ZNF423: variants seen among roughly 807,000 people sequenced by gnomAD.
ZNF423 encodes Ebf-associated zinc finger protein.
ZNF423 carries 12 observed loss-of-function variants against 95.8 expected under a neutral mutation model. The observed-to-expected ratio is 0.13, with a 90% confidence interval of 0.08 to 0.20. The LOEUF is 0.20. Ranked by LOEUF, ZNF423 falls within the 10% of genes least tolerant of loss-of-function variation. The probability of loss-of-function intolerance (pLI) is 1.00; values close to 1 mark genes in which losing one functional copy is unlikely to be tolerated. For missense variants in ZNF423, 1,316 were observed against 1,737.1 expected (o/e 0.76, Z 4.31); for synonymous variants, 749 against 711.9 (o/e 1.05, Z -0.83).
intron 1 of ZNF423, among the ~76,000 whole-genome samples, chr16:49,816,277 G>A (rs896366818): frequency 2.6e-5 from 4 of 152,166 alleles, no homozygotes; most frequent in African/African-American, 7.2e-5. Context: ...CACTGGATGC[G>A]CTCCTCGGGT....
intron 5 of ZNF423, among the ~76,000 whole-genome samples, chr16:49,580,828 T>C (rs1970648297): frequency 6.6e-6 from 1 of 152,076 alleles, no homozygotes. Context: ...GAGAACGCAT[T>C]CAGAGAGCCT....
In ZNF423 at chr16:49,549,307, A is replaced by C. The variant is rs576970423; in HGVS notation, c.3602-23813T>G. Among the ~76,000 whole-genome samples, 13 of 152,156 alleles carry C rather than the reference A, an allele frequency of 8.5e-5. No individual in the cohort carries two copies. The South Asian group carries it at 2.7e-3, about 32-fold the overall frequency. The stretch of plus-strand genomic sequence containing the variant: ...CTGCAGGCTGGGGGTCTGGGCTGCA[A>C]CTCAGGCCATGCCCCACCCTGCCTG... On this transcript the variant is annotated intron_variant, in intron 5 of 7. Coordinates refer to ENST00000563137, the MANE Select transcript of ZNF423 (RefSeq NM_001379286.1).
At chr16:49,681,944 A>C (rs35747295) in intron 3 of ZNF423, among the ~76,000 whole-genome samples, 12,049 of 151,838 alleles carry the variant, frequency 0.079, 716 homozygotes, top group South Asian at 0.29. Flanking sequence ...TGATTTTCAA[A>C]TATCAGAATT....
rs1399032388 is a variant in ZNF423 at position 49,492,416 on chromosome 16, G to GC, written c.3850-1113dup. Among the ~76,000 whole-genome samples, 1 of 152,176 alleles carries GC rather than the reference G, an allele frequency of 6.6e-6. No individual in the cohort carries two copies. The highest frequency in any genetic ancestry group is 1.5e-5 in the Non-Finnish European group (1 of 68,006). On this transcript the variant is annotated intron_variant, in intron 7 of 7. Transcript: ENST00000563137. This position sits in a 1 kb window ranked among gnomAD's most constrained non-coding sequence, Gnocchi z 4.2. ...AGCAGAGGCACCGCGTCTCTCCTGG[G>GC]CTCGGGTCCGCGGCGAGGGCGACCA...
chr16:49,785,060 T>C (rs1235454334), intron 2 of ZNF423, among the ~76,000 whole-genome samples: 1 of 152,032 alleles, frequency 6.6e-6, no homozygotes, highest in African/African-American at 2.4e-5. Context: ...ATTTTTTTCT[T>C]TTTCTTTTAT....
At chr16:49,763,231 G>T (rs1326747841) in intron 2 of ZNF423, among the ~76,000 whole-genome samples, 1 of 152,032 alleles carries the variant, frequency 6.6e-6, no homozygotes, top group East Asian at 1.9e-4. Context: ...AGGTATTTTT[G>T]TTGTTGTTGT....
At chr16:49,544,231 C>A (rs1345829588) in intron 5 of ZNF423, among the ~76,000 whole-genome samples, 2 of 152,176 alleles carry the variant, frequency 1.3e-5, no homozygotes, top group Non-Finnish European at 2.9e-5. Flanking sequence ...CCAGTGCTTG[C>A]CTTTGAGGGA....
In ZNF423 at chr16:49,839,054, AT is replaced by A. The variant is rs761034010; in HGVS notation, c.40+16680del. Reference sequence around the variant, plus strand: ...TGATTTTCCCCGCCTCTTCCCAGCCATCCCCCCTCTTCCCCGCCTCCTCCCC... The same window carrying A: ...TGATTTTCCCCGCCTCTTCCCAGCCACCCCCCTCTTCCCCGCCTCCTCCCC... On this transcript the variant is annotated intron_variant, in intron 1 of 7. Coordinates refer to ENST00000563137, the MANE Select transcript of ZNF423 (RefSeq NM_001379286.1). 5.4e-3 allele frequency among the ~76,000 whole-genome samples: 281 copies of A among 51,820 alleles called. 1 individual carries two copies. Among genetic ancestry groups the A allele is most frequent in the Admixed American group, 0.012 (51 of 4,202 alleles). The allele number at this position is 51,820 out of a possible 152,430, so 34.0% of individuals were successfully genotyped here. A position where few individuals can be genotyped will look rare whatever the true frequency, so the allele number is the denominator to read the frequency against.
intron 1 of ZNF423, among the ~76,000 whole-genome samples, chr16:49,840,123 C>T (rs1379193329): frequency 6.6e-6 from 1 of 152,132 alleles, no homozygotes; most frequent in African/African-American, 2.4e-5. Context: ...CTCCTAAAAG[C>T]CTTGAAACCT....
At position 49,491,060 on chromosome 16, in the gene ZNF423, C is replaced by T; in HGVS notation, c.*215G>A. On this transcript the variant is annotated 3_prime_UTR_variant, in exon 8 of 8. Coordinates refer to ENST00000563137, the MANE Select transcript of ZNF423 (RefSeq NM_001379286.1). ...AAGTCTAAAAGCACACTAGCTGTAG[C>T]AGGACAATAAAAAATACTGAGCATG... is the stretch of plus-strand genomic sequence containing the variant. 3 of 596,256 alleles carry T rather than the reference C, an allele frequency of 5.0e-6. No homozygotes were observed. Among genetic ancestry groups the T allele is most frequent in the Non-Finnish European group, 9.0e-6 (3 of 334,566 alleles). The allele number at this position is 596,256 out of a possible 1,614,324, so 36.9% of individuals were successfully genotyped here.
intron 3 of ZNF423, among the ~76,000 whole-genome samples, chr16:49,670,827 C>T (rs1312220616): frequency 3.9e-5 from 6 of 152,198 alleles, no homozygotes; most frequent in Admixed American, 3.3e-4. Context: ...TAGCTGACAA[C>T]GCCGGCTTGA....
intron 3 of ZNF423, among the ~76,000 whole-genome samples, chr16:49,726,754 A>G (rs2033025090): frequency 6.6e-6 from 1 of 150,572 alleles, no homozygotes; most frequent in South Asian, 2.1e-4. Context: ...ATCTACAGAC[A>G]TCTTAGTCTA....
chr16:49,713,880 C>T (rs1241587141), intron 3 of ZNF423, among the ~76,000 whole-genome samples: 1 of 152,200 alleles, frequency 6.6e-6, no homozygotes, highest in Admixed American at 6.5e-5. Flanking sequence ...CTTCCAGTAA[C>T]TCACTCCCCC....
At chr16:49,598,437 G>C (rs1260627049) in intron 5 of ZNF423, among the ~76,000 whole-genome samples, 4 of 152,340 alleles carry the variant, frequency 2.6e-5, no homozygotes, top group South Asian at 4.1e-4. Context: ...TTCCAGAGCT[G>C]GCACTTGGAG....
intron 3 of ZNF423, among the ~76,000 whole-genome samples, chr16:49,720,579 C>T (rs867508363): frequency 6.6e-6 from 1 of 152,220 alleles, no homozygotes; most frequent in African/African-American, 2.4e-5. Context: ...GTTTCAACCA[C>T]ATTCAAACCA....
intron 3 of ZNF423, among the ~76,000 whole-genome samples, chr16:49,672,127 G>T (rs753905345): frequency 6.6e-6 from 1 of 152,154 alleles, no homozygotes; most frequent in African/African-American, 2.4e-5. Context: ...CAGCAGTCAG[G>T]CACACTGATA....
At chr16:49,734,072 G>C (rs1287792641) in intron 2 of ZNF423, among the ~76,000 whole-genome samples, 2 of 152,220 alleles carry the variant, frequency 1.3e-5, no homozygotes, top group African/African-American at 4.8e-5. Context: ...GGAGCCCCAA[G>C]CTCTCCAAGG....
At chr16:49,526,220 T>C (rs558131640) in intron 5 of ZNF423, among the ~76,000 whole-genome samples, 1 of 152,272 alleles carries the variant, frequency 6.6e-6, no homozygotes, top group African/African-American at 2.4e-5. Context: ...CTTTGGAATT[T>C]TACTTCGAGA....
At chr16:49,639,283 G>C (rs908892473) in intron 3 of ZNF423, among the ~76,000 whole-genome samples, 2 of 152,188 alleles carry the variant, frequency 1.3e-5, no homozygotes, top group African/African-American at 4.8e-5. Flanking sequence ...ATCCACACCT[G>C]GGAGTCAACT....
Sources: gnomAD v4.1 joint callset for allele counts (sites outside exome capture counted in the v4.1 genomes callset) on GRCh38, gnomAD v4.1.1 for gene constraint, Gnocchi (gnomAD v3.1) non-coding constraint, MANE v1.5 for transcripts, NCBI Gene and HGNC (gene_info 2026-07-23, HGNC 2026-07-21) for gene names.